SIRT1: variants seen among roughly 807,000 people sequenced by gnomAD.
The protein encoded by SIRT1 is NAD-dependent protein deacetylase sirtuin-1.
In SIRT1, 24 loss-of-function variants were observed where a neutral mutation model predicts 67.9. That is an observed-to-expected ratio of 0.35 (90% CI 0.26 to 0.50). SIRT1 has a LOEUF of 0.50. Ranked by LOEUF, SIRT1 falls within the 20% of genes least tolerant of loss-of-function variation. The pLI is 0.98. For synonymous variants in SIRT1, 378 were observed against 350.7 expected (o/e 1.08, Z -0.87); for missense variants, 873 against 937.2 (o/e 0.93, Z 0.89).
At chr10:67,898,751 G>C (rs1842697504) in intron 4 of SIRT1, among the ~76,000 whole-genome samples, 2 of 152,120 alleles carry the variant, frequency 1.3e-5, no homozygotes, top group Non-Finnish European at 2.9e-5. Flanking sequence ...TGGGAGGATT[G>C]CTTGAACCAA....
At chr10:67,904,172 G>C (rs1239060501) in intron 4 of SIRT1, among the ~76,000 whole-genome samples, 1 of 148,236 alleles carries the variant, frequency 6.7e-6, no homozygotes, top group Admixed American at 6.8e-5. Context: ...TGTCACCCAG[G>C]CTGGAGAGCA....
intron 4 of SIRT1, among the ~76,000 whole-genome samples, chr10:67,898,101 A>T (rs1029611105): frequency 1.3e-5 from 2 of 151,212 alleles, no homozygotes; most frequent in African/African-American, 4.8e-5. Flanking sequence ...CTCTACTAAA[A>T]ATACAAAAAT....
chr10:67,885,365 C>T, intron 1 of SIRT1: 1 of 1,233,318 alleles, frequency 8.1e-7, no homozygotes, highest in Non-Finnish European at 1.0e-6. Context: ...GTCCGTGGCC[C>T]GCCTGGGCGG....
chr10:67,915,427 T>C (rs575614434), intron 8 of SIRT1, among the ~76,000 whole-genome samples: 2 of 152,344 alleles, frequency 1.3e-5, no homozygotes, highest in African/African-American at 4.8e-5. Flanking sequence ...TGATTTGGTG[T>C]GCTGTAGAAA....
intron 4 of SIRT1, among the ~76,000 whole-genome samples, chr10:67,900,990 T>G (rs1342129509): frequency 6.6e-6 from 1 of 152,158 alleles, no homozygotes; most frequent in Non-Finnish European, 1.5e-5. Flanking sequence ...CCTTTAGTAG[T>G]CCCATGAAGG....
At chr10:67,915,562 G>A (rs1452847683) in intron 8 of SIRT1, among the ~76,000 whole-genome samples, 1 of 152,032 alleles carries the variant, frequency 6.6e-6, no homozygotes, top group Non-Finnish European at 1.5e-5. Flanking sequence ...CTGAGATCTC[G>A]GGTGAATGTA....
At position 67,906,811 on chromosome 10, in the gene SIRT1, C is replaced by T; in HGVS notation, c.964C>T (p.Gln322Ter). Residue 322 changes from glutamine (Q) to a stop codon, truncating the protein, a stop_gained, in exon 5 of 9, where the codon CAG becomes TAG. Coordinates refer to ENST00000212015, the MANE Select transcript of SIRT1 (RefSeq NM_012238.5). LOFTEE classifies it high-confidence loss of function. ...ACAGGAAATATATCCTGGACAATTC[C>T]AGCCATCTCTCTGTCACAAATTCAT... ...FAKEIYPGQF[Q>*]PSLCHKFIAL... is the part of the protein sequence containing the mutation. The T allele has an allele frequency of 6.2e-7, 1 of 1,612,138 alleles. No homozygotes were observed. Among genetic ancestry groups the T allele is most frequent in the Non-Finnish European group, 8.5e-7 (1 of 1,179,388 alleles).
chr10:67,896,790 C>A (rs561881221), intron 4 of SIRT1, among the ~76,000 whole-genome samples: 19 of 140,772 alleles, frequency 1.3e-4, no homozygotes, highest in Admixed American at 2.1e-4. Context: ...AAAAAAAATT[C>A]GCTGGTCTCC....
chr10:67,908,000 C>T lies in SIRT1; in HGVS notation c.1091-46C>T, dbSNP rs537061172. On this transcript the variant is annotated intron_variant, in intron 5 of 8. Coordinates refer to ENST00000212015, the MANE Select transcript of SIRT1 (RefSeq NM_012238.5). The stretch of plus-strand genomic sequence containing the variant: ...TAACGTTTGTGGTGTGTTCAAGAAA[C>T]AGAAATACTTCTTTAATAAAGCATA... 42 of 1,497,782 alleles carry T rather than the reference C, an allele frequency of 2.8e-5. No homozygotes were observed. In the South Asian group the frequency reaches 4.2e-4, roughly 15 times the overall value. The allele number at this position is 1,497,782 out of a possible 1,614,324, so 92.8% of individuals were successfully genotyped here.
chr10:67,890,928 G>A (rs980400377), intron 3 of SIRT1, among the ~76,000 whole-genome samples: 1 of 150,976 alleles, frequency 6.6e-6, no homozygotes, highest in African/African-American at 2.4e-5. Context: ...TAATCAGTAG[G>A]CTAAGGCAGG....
At chr10:67,910,932 G>T (rs1842890381) in intron 7 of SIRT1, among the ~76,000 whole-genome samples, 1 of 152,146 alleles carries the variant, frequency 6.6e-6, no homozygotes, top group African/African-American at 2.4e-5. Context: ...CCAGAGAATT[G>T]AATTAGACCC....
At position 67,907,512 on chromosome 10, in the gene SIRT1, A is replaced by G. The variant is rs1564891466; in HGVS notation, c.1091-534A>G. ...TGTCAAAAAAAAAAAAAAAAAAGAA[A>G]AAGAAATTCTGAATACAAGAGTAGT... On this transcript the variant is annotated intron_variant, in intron 5 of 8. Transcript: ENST00000212015. Among the ~76,000 whole-genome samples, 251 of 119,840 alleles carry G rather than the reference A, an allele frequency of 2.1e-3. 1 individual carries two copies. The highest frequency in any genetic ancestry group is 6.6e-3 in the East Asian group (26 of 3,956). The allele number at this position is 119,840 out of a possible 152,430, so 78.6% of individuals were successfully genotyped here.
At chr10:67,889,877 A>C (rs921670864) in intron 3 of SIRT1, among the ~76,000 whole-genome samples, 2 of 152,220 alleles carry the variant, frequency 1.3e-5, no homozygotes, top group Non-Finnish European at 2.9e-5. Context: ...TAAGATGATG[A>C]AACAATAACT....
Position 67,916,706 on chromosome 10 carries a change from T to C in SIRT1, c.*113T>C, listed in dbSNP as rs927138978. On this transcript the variant is annotated 3_prime_UTR_variant, in exon 9 of 9. Transcript: ENST00000212015. ...GAGCAAGGAAACCAGAAAGGTGTAA[T>C]ATTTATAGGTTGGTAAAATAGATTG... is the stretch of plus-strand genomic sequence containing the variant. 1.9e-5 allele frequency: 14 copies of C among 737,400 alleles called. No individual in the cohort carries two copies. The African/African-American group carries it at 2.1e-4, about 11-fold the overall frequency. 45.7% of individuals were successfully genotyped at this position (737,400 alleles called of 1,614,324 possible). A position where few individuals can be genotyped will look rare whatever the true frequency, so the allele number is the denominator to read the frequency against.
chr10:67,904,995 G>A (rs1230247593), intron 4 of SIRT1, among the ~76,000 whole-genome samples: 5 of 152,164 alleles, frequency 3.3e-5, no homozygotes, highest in Admixed American at 2.6e-4. Context: ...GGGGGTGGAC[G>A]TGGATAAGGC....
At chr10:67,885,487 T>A in intron 1 of SIRT1, 1 of 959,796 alleles carries the variant, frequency 1.0e-6, no homozygotes, top group Non-Finnish European at 1.3e-6. Flanking sequence ...GCTTTTTTTT[T>A]CTTTTTCTTT....
chr10:67,889,148 G>A, intron 3 of SIRT1, 25 bp downstream of exon 3: 1 of 1,558,002 alleles, frequency 6.4e-7, no homozygotes, highest in Non-Finnish European at 8.6e-7. Flanking sequence ...TACATGGGGA[G>A]GTCGTATATG....
intron 7 of SIRT1, 130 bp from the exon 8 acceptor site, chr10:67,912,333 GTTAAGTATTTA>G: frequency 1.5e-6 from 1 of 679,860 alleles, no homozygotes; most frequent in East Asian, 2.7e-5. Flanking sequence ...TAATGGCTTG[GTTAAGTATTTA>G]GTGCATGGGT....
At chr10:67,911,530 G>A (rs1395286534) in intron 7 of SIRT1, among the ~76,000 whole-genome samples, 1 of 151,954 alleles carries the variant, frequency 6.6e-6, no homozygotes, top group Non-Finnish European at 1.5e-5. Context: ...CTGTGGGATA[G>A]TATGATGTGT....
Sources: allele counts gnomAD v4.1 joint callset (sites outside exome capture counted in the v4.1 genomes callset), GRCh38; gene constraint gnomAD v4.1.1; transcripts MANE v1.5; gene names NCBI Gene and HGNC (gene_info 2026-07-23, HGNC 2026-07-21).